The following MAEL variants were observed in gnomAD, a reference collection of about 807,000 sequenced individuals.
MAEL encodes protein maelstrom homolog.
In MAEL, 46 loss-of-function variants were observed where a neutral mutation model predicts 62.0. The ratio of observed to expected loss-of-function variants is 0.74; its 90% CI spans 0.59 to 0.95. MAEL has a LOEUF of 0.95. Ranked by LOEUF, MAEL falls within the 40% of genes least tolerant of loss-of-function variation. The probability of loss-of-function intolerance (pLI) is 0.00; values close to 1 mark genes in which losing one functional copy is unlikely to be tolerated. For missense variants in MAEL, 497 were observed against 526.8 expected, an observed-to-expected ratio of 0.94 and a Z score of 0.55; for synonymous variants, 172 against 175.5, an observed-to-expected ratio of 0.98 and a Z score of 0.16.
intron 8 of MAEL, among the ~76,000 whole-genome samples, chr1:167,007,457 T>C (rs74732320): frequency 0.013 from 1,917 of 152,268 alleles, 33 homozygotes; most frequent in African/African-American, 0.043. Context: ...TAGTGGAGCA[T>C]AACAGTTAGG....
chr1:166,997,787 C>G (rs2102082275), intron 5 of MAEL, among the ~76,000 whole-genome samples: 1 of 152,142 alleles, frequency 6.6e-6, no homozygotes, highest in South Asian at 2.1e-4. Flanking sequence ...ATTCTTTACC[C>G]CAAGGTTGTG....
At chr1:166,997,375 G>A (rs7527606) in intron 5 of MAEL, among the ~76,000 whole-genome samples, 29,178 of 151,988 alleles carry the variant, frequency 0.19, 3,576 homozygotes, top group Admixed American at 0.33. Context: ...TCTTTCACTC[G>A]TTTTCTATTG....
upstream of MAEL, among the ~76,000 whole-genome samples, chr1:166,984,382 T>A (rs1663852743): frequency 6.6e-6 from 1 of 152,172 alleles, no homozygotes; most frequent in South Asian, 2.1e-4. Flanking sequence ...ACATGTTTTT[T>A]AAAAACCCTT....
chr1:166,992,773 A>G lies in MAEL; in HGVS notation c.413A>G (p.Glu138Gly). ...TGTGAACAGCGCTTCCTCCCTTGTGAAATTGGCTGTGTTAAGTATTCTCTC... is the reference window on the plus strand; with the variant it reads ...TGTGAACAGCGCTTCCTCCCTTGTGGAATTGGCTGTGTTAAGTATTCTCTC... ...PHCEQRFLPC[E>G]IGCVKYSLQE... Residue 138 changes from glutamate to glycine, a missense_variant, in exon 4 of 12, where the codon GAA becomes GGA. Glu to Gly is a moderately conservative substitution (Grantham distance 98). Coordinates refer to ENST00000367872, the MANE Select transcript of MAEL (RefSeq NM_032858.3). 1 of 1,611,522 alleles carries G rather than the reference A, an allele frequency of 6.2e-7. No homozygotes were observed. The highest frequency in any genetic ancestry group is 8.5e-7 in the Non-Finnish European group (1 of 1,179,106).
chr1:166,980,795 AAGC>A (rs1369874831), intron 1 of MAEL, among the ~76,000 whole-genome samples: 1 of 152,304 alleles, frequency 6.6e-6, no homozygotes, highest in African/African-American at 2.4e-5. Flanking sequence ...ACTAGTGGTC[AAGC>A]AGCTTCCTAC....
At chr1:167,014,352 T>C (rs1285105361) in intron 8 of MAEL, among the ~76,000 whole-genome samples, 2 of 152,248 alleles carry the variant, frequency 1.3e-5, no homozygotes, top group Admixed American at 6.5e-5. Context: ...TAGTCCATTT[T>C]AATGAGCTTT....
intron 1 of MAEL, among the ~76,000 whole-genome samples, chr1:166,976,742 G>C (rs116582846): frequency 1.3e-3 from 197 of 152,306 alleles, no homozygotes; most frequent in African/African-American, 4.7e-3. Flanking sequence ...TCCTGGAGCA[G>C]ACAGACTCCA....
chr1:166,985,288 G>A (rs1025894083), upstream of MAEL, among the ~76,000 whole-genome samples: 2 of 152,108 alleles, frequency 1.3e-5, no homozygotes, highest in Non-Finnish European at 2.9e-5. Context: ...AGAGTTTGCA[G>A]GGCAGAGTAC....
rs1664161680 is a variant in MAEL at position 166,991,245 on chromosome 1, A to T, written c.226-133A>T. On this transcript the variant is annotated intron_variant, in intron 2 of 11. Transcript: ENST00000367872. ...CTTTGGGTGTTGGTATTATTGACAG[A>T]TATATTTATTCACTGGATTCATTGA... The T allele has an allele frequency of 6.2e-6, 4 of 648,806 alleles. No homozygotes were observed. In the East Asian group the frequency reaches 1.0e-4, roughly 17 times the overall value. The allele number at this position is 648,806 out of a possible 1,614,324, so 40.2% of individuals were successfully genotyped here. A position where few individuals can be genotyped will look rare whatever the true frequency, so the allele number is the denominator to read the frequency against.
chr1:166,980,879 C>T (rs981089348), intron 1 of MAEL, among the ~76,000 whole-genome samples: 1 of 152,128 alleles, frequency 6.6e-6, no homozygotes, highest in Admixed American at 6.5e-5. Flanking sequence ...GCCTTGGGCT[C>T]TGGGTCTTGG....
intron 5 of MAEL, among the ~76,000 whole-genome samples, chr1:166,994,666 A>ATTTTTTTTTTTTTT (rs35009494): frequency 8.4e-6 from 1 of 119,608 alleles, no homozygotes; most frequent in African/African-American, 3.3e-5. Context: ...CTGTAAGGTA[A>ATTTTTTTTTTTTTT]TTTTTTTTTT....
chr1:167,015,642 A>G (rs1352070164), intron 8 of MAEL, among the ~76,000 whole-genome samples: 1 of 150,184 alleles, frequency 6.7e-6, no homozygotes, highest in Non-Finnish European at 1.5e-5. Flanking sequence ...CCTCACCAAC[A>G]TCACCTCCTG....
At chr1:166,993,938 G>T (rs1396199414) in intron 4 of MAEL, 90 bp from the exon 5 acceptor site, 4 of 893,490 alleles carry the variant, frequency 4.5e-6, no homozygotes, top group Non-Finnish European at 6.9e-6. Flanking sequence ...TTACCTTTCT[G>T]TGTGATAACT....
intron 8 of MAEL, 137 bp from the exon 9 acceptor site, chr1:167,016,085 A>G (rs1172803193): frequency 8.0e-6 from 6 of 749,374 alleles, no homozygotes. Context: ...GTTTTTTAAA[A>G]ATCTTTGTGT....
chr1:167,002,973 T>C (rs892215647), intron 5 of MAEL, among the ~76,000 whole-genome samples: 4 of 152,116 alleles, frequency 2.6e-5, no homozygotes. Flanking sequence ...TTCCAAGATT[T>C]TGGGCCCATG....
intron 5 of MAEL, among the ~76,000 whole-genome samples, chr1:166,998,941 G>A (rs1664544046): frequency 6.6e-6 from 1 of 152,088 alleles, no homozygotes; most frequent in Non-Finnish European, 1.5e-5. Context: ...TTGTTTTGGA[G>A]TGTCATGAAC....
Position 166,992,839 on chromosome 1 carries a change from C to G in MAEL, c.479C>G (p.Pro160Arg). The part of the protein sequence containing the change: ...IMADFHSFIN[P>R]GEIPRGFRFH... The stretch of plus-strand genomic sequence containing the variant: ...GCAGATTTCCACAGTTTTATAAATC[C>G]TGGTAAGTAGTCAGAGTAGATGCTA... The change falls in exon 4 of 12, where the codon CCT becomes CGT. Residue 160 changes from proline (P) to arginine (R), a missense_variant and splice_region_variant. Pro to Arg is a moderately radical substitution (Grantham distance 103). Coordinates refer to ENST00000367872, the MANE Select transcript of MAEL (RefSeq NM_032858.3). 1 of 1,588,970 alleles carries G rather than the reference C, an allele frequency of 6.3e-7. No homozygotes were observed. Among genetic ancestry groups the G allele is most frequent in the Non-Finnish European group, 8.5e-7 (1 of 1,172,344 alleles).
chr1:167,011,183 CT>C (rs921749804), intron 8 of MAEL, among the ~76,000 whole-genome samples: 2 of 152,114 alleles, frequency 1.3e-5, no homozygotes, highest in Non-Finnish European at 2.9e-5. Context: ...TTCTTTCTTC[CT>C]TCCCCAAGTT....
At chr1:167,019,630 A>G (rs1272278857) in intron 10 of MAEL, among the ~76,000 whole-genome samples, 1 of 152,106 alleles carries the variant, frequency 6.6e-6, no homozygotes, top group Non-Finnish European at 1.5e-5. Flanking sequence ...AAATGGTGAC[A>G]TCTTTTGCTT....
Sources: allele counts gnomAD v4.1 joint callset (sites outside exome capture counted in the v4.1 genomes callset), GRCh38; gene constraint gnomAD v4.1.1; transcripts MANE v1.5; gene names NCBI Gene and HGNC (gene_info 2026-07-23, HGNC 2026-07-21).